The following PARM1 variants were observed in gnomAD, a reference collection of about 807,000 sequenced individuals.
PARM1 encodes the protein WSC4, cell wall integrity and stress response component 4 homolog.
A neutral mutation model predicts 24.6 loss-of-function variants in PARM1; 14 were observed. The ratio of observed to expected loss-of-function variants is 0.57; its 90% confidence interval spans 0.38 to 0.89. PARM1 has a LOEUF of 0.89. Among genes scored for constraint, PARM1 ranks in the 40% least tolerant of loss-of-function variants. PARM1 has a pLI of 0.00. For missense variants in PARM1, 362 were observed against 380.4 expected (o/e 0.95, Z 0.40); for synonymous variants, 179 against 156.6 (o/e 1.14, Z -1.07).
chr4:75,011,732 C>T (rs1464637448), intron 1 of PARM1, among the ~76,000 whole-genome samples: 5 of 152,190 alleles, frequency 3.3e-5, no homozygotes, highest in African/African-American at 1.2e-4. Context: ...GAATTTCAGA[C>T]GACAGGGTTC....
At chr4:75,000,318 T>C (rs1215368699) in intron 1 of PARM1, among the ~76,000 whole-genome samples, 1 of 152,160 alleles carries the variant, frequency 6.6e-6, no homozygotes, top group East Asian at 1.9e-4. Context: ...ATATTGCAAG[T>C]TATGGGAAAC....
chr4:74,936,976 C>G (rs1578019492), intron 1 of PARM1, among the ~76,000 whole-genome samples: 2 of 152,126 alleles, frequency 1.3e-5, no homozygotes, highest in East Asian at 3.9e-4. Flanking sequence ...CCCAGGCACC[C>G]TGCGCAGACG....
intron 1 of PARM1, among the ~76,000 whole-genome samples, chr4:74,972,560 C>T (rs1014134966): frequency 2.6e-5 from 4 of 152,060 alleles, no homozygotes; most frequent in African/African-American, 4.8e-5. Context: ...TGCAGTTCTT[C>T]GGTAGTAGTA....
intron 2 of PARM1, among the ~76,000 whole-genome samples, chr4:75,026,517 G>A (rs1277573869): frequency 4.6e-5 from 7 of 152,300 alleles, no homozygotes; most frequent in African/African-American, 2.4e-5. Context: ...CTGTCATCGG[G>A]ATGAGTTCCA....
At chr4:75,040,876 C>T (rs568735070) in intron 3 of PARM1, among the ~76,000 whole-genome samples, 12 of 152,104 alleles carry the variant, frequency 7.9e-5, no homozygotes, top group African/African-American at 1.7e-4. Flanking sequence ...CGGTATCCCT[C>T]GGTTATCCAC....
chr4:74,950,718 T>C (rs1345821160), intron 1 of PARM1, among the ~76,000 whole-genome samples: 1 of 152,234 alleles, frequency 6.6e-6, no homozygotes, highest in Non-Finnish European at 1.5e-5. Flanking sequence ...TTATTCAAGA[T>C]AGCATTCACT....
chr4:75,015,646 G>A (rs781664699), intron 2 of PARM1, among the ~76,000 whole-genome samples: 1 of 152,176 alleles, frequency 6.6e-6, no homozygotes, highest in Non-Finnish European at 1.5e-5. Flanking sequence ...TTTCTAATAT[G>A]AGAATGAACC....
chr4:74,995,299 A>G (rs1225889914), intron 1 of PARM1, among the ~76,000 whole-genome samples: 5 of 152,190 alleles, frequency 3.3e-5, no homozygotes, highest in African/African-American at 1.2e-4. Flanking sequence ...AGGCGATTTA[A>G]GAGGCCATCA....
chr4:75,044,686 T>C (rs2109817561), intron 3 of PARM1, among the ~76,000 whole-genome samples: 1 of 152,232 alleles, frequency 6.6e-6, no homozygotes, highest in Admixed American at 6.5e-5. Flanking sequence ...TTAAATTGAA[T>C]TGTGTTTTAG....
intron 1 of PARM1, chr4:74,965,331 T>A (rs1217867321): frequency 1.3e-5 from 2 of 152,206 alleles, no homozygotes; most frequent in Non-Finnish European, 2.9e-5. Flanking sequence ...GGCATGCAGA[T>A]GCATAGCAAG....
At chr4:74,933,439 G>T in intron 1 of PARM1, 69 bp downstream of exon 1, 3 of 1,395,530 alleles carry the variant, frequency 2.1e-6, no homozygotes, top group Non-Finnish European at 3.0e-6. Flanking sequence ...CGTGGTCGGG[G>T]CTGAAGCTAG....
Position 75,012,808 on chromosome 4 carries a change from G to A in PARM1, c.427G>A (p.Ala143Thr), listed in dbSNP as rs1298130980. ...GGCAGCTACACTGTCGCAGTCCGCT[G>A]CTGAGCCTCCCACACTCATCTCCCC... ...GVAATLSQSA[A>T]EPPTLISPQA... The change falls in exon 2 of 4, where the codon GCT becomes ACT. Residue 143 changes from alanine to threonine, a missense_variant. Physicochemically the swap from Ala to Thr is moderately conservative, Grantham distance 58. Transcript: ENST00000307428. The A allele has an allele frequency of 6.2e-7, 1 of 1,613,954 alleles. No homozygotes were observed. Among genetic ancestry groups the A allele is most frequent in the Admixed American group, 1.7e-5 (1 of 60,020 alleles).
At chr4:75,035,039 T>A (rs1480880506) in intron 3 of PARM1, among the ~76,000 whole-genome samples, 1 of 152,138 alleles carries the variant, frequency 6.6e-6, no homozygotes, top group Non-Finnish European at 1.5e-5. Context: ...TCTCTGTCCT[T>A]CCTTCCCCAG....
intron 1 of PARM1, among the ~76,000 whole-genome samples, chr4:74,970,771 A>T (rs1722015541): frequency 1.3e-5 from 2 of 152,160 alleles, no homozygotes; most frequent in African/African-American, 2.4e-5. Flanking sequence ...AGCTAAACCT[A>T]ATCAGGAGGC....
chr4:74,994,546 C>T (rs1560786196), intron 1 of PARM1, among the ~76,000 whole-genome samples: 1 of 152,136 alleles, frequency 6.6e-6, no homozygotes, highest in Non-Finnish European at 1.5e-5. Flanking sequence ...TGGTGACTCA[C>T]ACTTGTAATC....
intron 1 of PARM1, among the ~76,000 whole-genome samples, chr4:74,986,099 T>C (rs1450262767): frequency 6.6e-6 from 1 of 152,174 alleles, no homozygotes; most frequent in Non-Finnish European, 1.5e-5. Context: ...TTTCCTCTTT[T>C]AATGATAATG....
chr4:75,048,603 T>C lies in PARM1; in HGVS notation c.*2356T>C, dbSNP rs1723657955. ...TGAATGCTGCCTCTGCCGTAAATCC[T>C]GGGGCAAGGGATCAGCCTCTTCCCA... On this transcript the variant is annotated 3_prime_UTR_variant, in exon 4 of 4. Coordinates refer to ENST00000307428, the MANE Select transcript of PARM1 (RefSeq NM_015393.4). 6.6e-6 allele frequency: 1 copy of C among 152,350 alleles called. No homozygotes were observed. Among genetic ancestry groups the C allele is most frequent in the African/African-American group, 2.4e-5 (1 of 41,474 alleles). 9.4% of individuals were successfully genotyped at this position (152,350 alleles called of 1,614,324 possible). A position where few individuals can be genotyped will look rare whatever the true frequency, so the allele number is the denominator to read the frequency against.
chr4:74,994,520 C>T (rs1722538319), intron 1 of PARM1, among the ~76,000 whole-genome samples: 1 of 152,068 alleles, frequency 6.6e-6, no homozygotes, highest in Non-Finnish European at 1.5e-5. Flanking sequence ...AATTAAAAAA[C>T]AATGCTGGCC....
At chr4:75,012,347 T>G in intron 1 of PARM1, 78 bp from the exon 2 acceptor site, 1 of 1,463,250 alleles carries the variant, frequency 6.8e-7, no homozygotes, top group East Asian at 2.3e-5. Context: ...AAAACAGCTG[T>G]GGGTAAAAGC....
Sources: allele counts gnomAD v4.1 joint callset (sites outside exome capture counted in the v4.1 genomes callset), GRCh38; gene constraint gnomAD v4.1.1; transcripts MANE v1.5; gene names NCBI Gene and HGNC (gene_info 2026-07-23, HGNC 2026-07-21).